The following HS3ST4 variants were observed in gnomAD, a reference collection of about 807,000 sequenced individuals.
HS3ST4 encodes heparan sulfate glucosamine 3-O-sulfotransferase 4.
HS3ST4 carries 17 observed loss-of-function variants against 29.2 expected under a neutral mutation model. The ratio of observed to expected loss-of-function variants is 0.58; its 90% CI spans 0.40 to 0.87. The LOEUF is 0.87. Ranked by LOEUF, HS3ST4 falls within the 40% of genes least tolerant of loss-of-function variation. The probability of loss-of-function intolerance (pLI) is 0.00; values close to 1 mark genes in which losing one functional copy is unlikely to be tolerated. For synonymous variants in HS3ST4, 314 were observed against 285.7 expected (o/e 1.10, Z -1.00); for missense variants, 627 against 634.5 (o/e 0.99, Z 0.13).
At chr16:25,776,967 A>G (rs1252804487) in intron 1 of HS3ST4, among the ~76,000 whole-genome samples, 1 of 152,194 alleles carries the variant, frequency 6.6e-6, no homozygotes, top group Non-Finnish European at 1.5e-5. Flanking sequence ...GATATCCCCA[A>G]TATGCATGCC....
chr16:25,715,048 C>T (rs796806269), intron 1 of HS3ST4, among the ~76,000 whole-genome samples: 22 of 152,270 alleles, frequency 1.4e-4, no homozygotes, highest in African/African-American at 4.3e-4. Flanking sequence ...GCCGGCCGGG[C>T]GCGGTGGCTC....
chr16:26,044,890 C>T (rs1010581206), intron 1 of HS3ST4, among the ~76,000 whole-genome samples: 1 of 152,058 alleles, frequency 6.6e-6, no homozygotes, highest in African/African-American at 2.4e-5. Context: ...CTGTGGTCAC[C>T]GGCACCAGAG....
At chr16:26,028,272 C>CAAAAAAAAAAA (rs57920476) in intron 1 of HS3ST4, among the ~76,000 whole-genome samples, 11 of 48,564 alleles carry the variant, frequency 2.3e-4, no homozygotes, top group East Asian at 1.3e-3. Flanking sequence ...GACACCGTCT[C>CAAAAAAAAAAA]AAAAAAAAAA....
chr16:25,983,390 G>A (rs938615149), intron 1 of HS3ST4, among the ~76,000 whole-genome samples: 1 of 152,146 alleles, frequency 6.6e-6, no homozygotes, highest in Non-Finnish European at 1.5e-5. Context: ...ACATCAAATG[G>A]GATGACGTGC....
intron 1 of HS3ST4, among the ~76,000 whole-genome samples, chr16:25,762,016 G>T (rs1966791364): frequency 1.3e-5 from 2 of 152,128 alleles, no homozygotes; most frequent in South Asian, 4.1e-4. Context: ...GATGGGAGAT[G>T]TAGTCTTGGG....
At chr16:25,933,257 C>A in intron 1 of HS3ST4, 1 of 442,544 alleles carries the variant, frequency 2.3e-6, no homozygotes, top group African/African-American at 2.0e-5. Context: ...CTCTTCACCA[C>A]AGCCATTATT....
intron 1 of HS3ST4, among the ~76,000 whole-genome samples, chr16:25,699,691 T>C (rs1339215107): frequency 1.3e-5 from 2 of 152,234 alleles, no homozygotes; most frequent in East Asian, 3.9e-4. Context: ...AACACATTTC[T>C]GTATTAGACT....
intron 1 of HS3ST4, among the ~76,000 whole-genome samples, chr16:25,716,462 C>G (rs963552192): frequency 6.6e-6 from 1 of 152,184 alleles, no homozygotes; most frequent in Non-Finnish European, 1.5e-5. Context: ...AAGGGAGAAC[C>G]TGATGGTTGA....
intron 1 of HS3ST4, among the ~76,000 whole-genome samples, chr16:25,922,336 C>T (rs1968362187): frequency 6.6e-6 from 1 of 152,198 alleles, no homozygotes; most frequent in Admixed American, 6.5e-5. Flanking sequence ...CCCCAGAAAG[C>T]TGCCTTGCTC....
intron 1 of HS3ST4, among the ~76,000 whole-genome samples, chr16:25,882,049 C>T (rs1323571433): frequency 1.3e-5 from 2 of 152,130 alleles, no homozygotes; most frequent in Non-Finnish European, 2.9e-5. Flanking sequence ...GGCTAAGCCT[C>T]TTTGGGGAAA....
intron 1 of HS3ST4, among the ~76,000 whole-genome samples, chr16:25,828,258 T>A (rs186041148): frequency 1.7e-4 from 15 of 87,118 alleles, no homozygotes; most frequent in South Asian, 4.8e-4. Context: ...CTTTCTTTCT[T>A]TCTTTCTTTC....
Position 25,903,302 on chromosome 16 carries a change from G to GTGTGTATA in HS3ST4, c.734+210152_734+210153insGTGTATAT, listed in dbSNP as rs151301516. On this transcript the variant is annotated intron_variant, in intron 1 of 1. Transcript: ENST00000331351. ...TGTGTGTGTGTGTGTGTGTGTGTGT[G>GTGTGTATA]TATGTATATGTATATATTATATATA... 4.8e-5 allele frequency among the ~76,000 whole-genome samples: 5 copies of GTGTGTATA among 103,496 alleles called. No homozygotes were observed. In the South Asian group the frequency reaches 1.3e-3, roughly 26 times the overall value. The allele number at this position is 103,496 out of a possible 152,430, so 67.9% of individuals were successfully genotyped here. A position where few individuals can be genotyped will look rare whatever the true frequency, so the allele number is the denominator to read the frequency against.
intron 1 of HS3ST4, among the ~76,000 whole-genome samples, chr16:26,077,470 C>T (rs976968297): frequency 9.2e-5 from 14 of 152,210 alleles, no homozygotes; most frequent in African/African-American, 1.9e-4. Flanking sequence ...GCTGTATTGC[C>T]GTCATGCTTT....
At chr16:26,034,888 TGGGA>T (rs1294029913) in intron 1 of HS3ST4, among the ~76,000 whole-genome samples, 1 of 151,878 alleles carries the variant, frequency 6.6e-6, no homozygotes, top group Non-Finnish European at 1.5e-5. Context: ...GAAGGTGAGG[TGGGA>T]GGATCATTTG....
intron 1 of HS3ST4, among the ~76,000 whole-genome samples, chr16:26,120,071 A>ATGTGTGTGTG (rs59962417): frequency 7.4e-6 from 1 of 135,176 alleles, no homozygotes; most frequent in South Asian, 2.4e-4. Flanking sequence ...GTGTGTGTGT[A>ATGTGTGTGTG]TGTGTGTGTG....
chr16:25,904,716 T>G (rs936470622), intron 1 of HS3ST4, among the ~76,000 whole-genome samples: 2 of 152,228 alleles, frequency 1.3e-5, no homozygotes, highest in African/African-American at 4.8e-5. Context: ...TGATTCTGTT[T>G]GCCAGTTAGT....
chr16:25,702,347 A>G (rs1187402375), intron 1 of HS3ST4, among the ~76,000 whole-genome samples: 2 of 152,222 alleles, frequency 1.3e-5, no homozygotes, highest in African/African-American at 4.8e-5. Context: ...CATTGTGAAA[A>G]TATAATGGGA....
intron 1 of HS3ST4, among the ~76,000 whole-genome samples, chr16:25,748,389 AC>A (rs1966698206): frequency 6.6e-6 from 1 of 152,126 alleles, no homozygotes; most frequent in African/African-American, 2.4e-5. Context: ...GGAATGAAGA[AC>A]CCCTGGGAAA....
chr16:25,709,671 T>C (rs1966403049), intron 1 of HS3ST4, among the ~76,000 whole-genome samples: 2 of 151,784 alleles, frequency 1.3e-5, no homozygotes, highest in South Asian at 4.2e-4. Flanking sequence ...CTGCATCTTT[T>C]CTTTAACCGA....
Sources: gnomAD v4.1 joint callset for allele counts (sites outside exome capture counted in the v4.1 genomes callset) on GRCh38, gnomAD v4.1.1 for gene constraint, MANE v1.5 for transcripts, NCBI Gene and HGNC (gene_info 2026-07-23, HGNC 2026-07-21) for gene names.